The following IL36B variants were observed in gnomAD, a reference collection of about 807,000 sequenced individuals.
IL36B encodes interleukin-36 beta.
IL36B carries 23 observed loss-of-function variants against 19.3 expected under a neutral mutation model. The observed-to-expected ratio is 1.19, with a 90% CI of 0.86 to 1.69. The LOEUF is 1.69. Among genes scored for constraint, IL36B ranks in the 40% most tolerant of loss-of-function variants. The pLI is 0.00. For synonymous variants in IL36B, 59 were observed against 59.7 expected (o/e 0.99, Z 0.05); for missense variants, 217 against 200.5 (o/e 1.08, Z -0.50).
intron 1 of IL36B, among the ~76,000 whole-genome samples, chr2:113,046,311 G>A (rs1487473489): frequency 6.6e-6 from 1 of 150,706 alleles, no homozygotes; most frequent in African/African-American, 2.5e-5. Flanking sequence ...CCGGGTTCAT[G>A]CCATTCTCCT....
intron 1 of IL36B, among the ~76,000 whole-genome samples, chr2:113,046,479 A>G (rs886231780): frequency 2.6e-5 from 4 of 152,182 alleles, no homozygotes; most frequent in African/African-American, 4.8e-5. Flanking sequence ...AAGTGTTGGG[A>G]TTACAGGCGT....
chr2:113,036,832 G>C (rs550784154), intron 1 of IL36B, among the ~76,000 whole-genome samples: 1 of 152,344 alleles, frequency 6.6e-6, no homozygotes, highest in East Asian at 1.9e-4. Flanking sequence ...TGGTGATTCA[G>C]CCAGTCAGAA....
chr2:113,045,641 T>C (rs1031329770), intron 1 of IL36B, among the ~76,000 whole-genome samples: 2 of 152,218 alleles, frequency 1.3e-5, no homozygotes, highest in Admixed American at 6.5e-5. Flanking sequence ...TCTGTTCTTG[T>C]ATGTGTCGTA....
chr2:113,030,379 G>T (rs1409937516), intron 3 of IL36B, among the ~76,000 whole-genome samples: 1 of 152,164 alleles, frequency 6.6e-6, no homozygotes, highest in Non-Finnish European at 1.5e-5. Flanking sequence ...GGTTGGGGGG[G>T]AGTAGGAAGA....
chr2:113,041,386 G>T (rs1685254133), intron 1 of IL36B, among the ~76,000 whole-genome samples: 1 of 152,112 alleles, frequency 6.6e-6, no homozygotes, highest in African/African-American at 2.4e-5. Context: ...AGAACAATTA[G>T]ATATCCATGA....
intron 1 of IL36B, among the ~76,000 whole-genome samples, chr2:113,043,045 T>C (rs953700973): frequency 2.0e-5 from 3 of 152,176 alleles, no homozygotes; most frequent in Non-Finnish European, 4.4e-5. Context: ...GAACATCTTT[T>C]TGTAGGCTTT....
chr2:113,023,802 CAG>C (rs2105037966), intron 5 of IL36B, among the ~76,000 whole-genome samples: 1 of 152,248 alleles, frequency 6.6e-6, no homozygotes, highest in South Asian at 2.1e-4. Context: ...GTTAACTGAT[CAG>C]TTCTTTAACT....
intron 5 of IL36B, among the ~76,000 whole-genome samples, chr2:113,024,618 TC>T (rs1246024004): frequency 6.6e-6 from 1 of 152,180 alleles, no homozygotes; most frequent in Non-Finnish European, 1.5e-5. Flanking sequence ...CTGTGGTTTC[TC>T]CTCCTCTTCT....
chr2:113,036,479 C>A (rs1685169395), intron 1 of IL36B, among the ~76,000 whole-genome samples: 1 of 151,506 alleles, frequency 6.6e-6, no homozygotes, highest in Non-Finnish European at 1.5e-5. Context: ...GAGAGAAAAA[C>A]CAAATATCTG....
At chr2:113,028,071 CT>C in intron 4 of IL36B, 1 of 1,614,096 alleles carries the variant, frequency 6.2e-7, no homozygotes, top group Non-Finnish European at 8.5e-7. Context: ...AGAGAAAGGG[CT>C]TCTGTGCTTT....
chr2:113,031,227 T>C lies in IL36B; in HGVS notation c.14-72A>G, dbSNP rs969908494. On this transcript the variant is annotated intron_variant, in intron 2 of 5. Transcript: ENST00000259213. ...TCAGGACTCCAGTTGCATCCTGGTA[T>C]TAATGGCTTTTGAGTTTCTGGAGAG... is the stretch of plus-strand genomic sequence containing the variant. 7 of 994,998 alleles carry C rather than the reference T, an allele frequency of 7.0e-6. No homozygotes were observed. In the East Asian group the frequency reaches 1.7e-4, roughly 24 times the overall value. 61.6% of individuals were successfully genotyped at this position (994,998 alleles called of 1,614,324 possible). A position where few individuals can be genotyped will look rare whatever the true frequency, so the allele number is the denominator to read the frequency against.
chr2:113,046,231 A>C (rs1156896045), intron 1 of IL36B, among the ~76,000 whole-genome samples: 1 of 136,074 alleles, frequency 7.3e-6, no homozygotes, highest in African/African-American at 2.9e-5. Flanking sequence ...TTTTTTTGAG[A>C]CGGAGTCTGG....
At chr2:113,042,728 T>C (rs1009265946) in intron 1 of IL36B, among the ~76,000 whole-genome samples, 1 of 152,264 alleles carries the variant, frequency 6.6e-6, no homozygotes, top group Non-Finnish European at 1.5e-5. Flanking sequence ...TTTTGGCTAT[T>C]ACAAATAGAG....
Position 113,043,405 on chromosome 2 carries a change from A to G in IL36B, c.-58+9412T>C, listed in dbSNP as rs993948794. Among the ~76,000 whole-genome samples, 3 of 152,214 alleles carry G rather than the reference A, an allele frequency of 2.0e-5. 1 individual carries two copies. The highest frequency in any genetic ancestry group is 2.0e-4 in the Admixed American group (3 of 15,280). ...TATGTTTAATTATGAAGCATTGTAG[A>G]TTATGTTTTCCATTTTGATTTATGA... On this transcript the variant is annotated intron_variant, in intron 1 of 5. Transcript: ENST00000259213.
chr2:113,040,347 G>A (rs2862776), intron 1 of IL36B, among the ~76,000 whole-genome samples: 114,749 of 152,146 alleles, frequency 0.75, 43,728 homozygotes, highest in East Asian at 0.94. Flanking sequence ...ATTCATAACA[G>A]GTCAAGAATG....
At position 113,031,131 on chromosome 2, in the gene IL36B, G is replaced by A; in HGVS notation, c.38C>T (p.Ala13Val). 8 of 1,614,084 alleles carry A rather than the reference G, an allele frequency of 5.0e-6. No individual in the cohort carries two copies. In the South Asian group the frequency reaches 7.7e-5, roughly 16 times the overall value. The change falls in exon 3 of 6, where the codon GCT (alanine) becomes GTT (valine). Residue 13 changes from alanine to valine, a missense_variant. By Grantham distance (64) the Ala-to-Val change is moderately conservative (BLOSUM62 0). Coordinates refer to ENST00000259213, the MANE Select transcript of IL36B (RefSeq NM_014438.5). ...CACCATCTGTCGAGAATCACGAATA[G>A]CATAGGATTTGGGTGCTGCCTCCCC...
rs969306813 is a variant in IL36B, at chr2:113,029,175, A to G, written c.122-97T>C. 2.8e-5 allele frequency: 36 copies of G among 1,277,006 alleles called. No homozygotes were observed. In the Middle Eastern group the frequency reaches 9.6e-4, roughly 34 times the overall value. 79.1% of individuals were successfully genotyped at this position (1,277,006 alleles called of 1,614,324 possible). A position where few individuals can be genotyped will look rare whatever the true frequency, so the allele number is the denominator to read the frequency against. ...TAGGGAATAGTGACAGGCTCCTCCC[A>G]TTAGCCATGTGGCAGAGACCCTCCA... On this transcript the variant is annotated intron_variant, in intron 3 of 5. Coordinates refer to ENST00000259213, the MANE Select transcript of IL36B (RefSeq NM_014438.5).
rs117824540 is a variant in IL36B at position 113,043,415 on chromosome 2, C to G, written c.-58+9402G>C. On this transcript the variant is annotated intron_variant, in intron 1 of 5. Coordinates refer to ENST00000259213, the MANE Select transcript of IL36B (RefSeq NM_014438.5). Reference sequence around the variant, plus strand: ...TATGAAGCATTGTAGATTATGTTTTCCATTTTGATTTATGATCAATTTTGA... The same window carrying G: ...TATGAAGCATTGTAGATTATGTTTTGCATTTTGATTTATGATCAATTTTGA... Among the ~76,000 whole-genome samples, 754 of 152,204 alleles carry G rather than the reference C, an allele frequency of 5.0e-3. 34 individuals are homozygous for G. The East Asian group carries it at 0.12, about 23-fold the overall frequency.
intron 1 of IL36B, among the ~76,000 whole-genome samples, chr2:113,037,649 C>CA (rs558737151): frequency 0.02 from 2,724 of 135,820 alleles, 58 homozygotes; most frequent in African/African-American, 0.053. Flanking sequence ...AACTCTATCT[C>CA]AAAAAAAAAA....
Sources: allele counts gnomAD v4.1 joint callset (sites outside exome capture counted in the v4.1 genomes callset), GRCh38; gene constraint gnomAD v4.1.1; transcripts MANE v1.5; gene names NCBI Gene and HGNC (gene_info 2026-07-23, HGNC 2026-07-21).